The following RSPO2 variants were observed in gnomAD, a reference collection of about 807,000 sequenced individuals.
RSPO2 encodes R-spondin 2.
RSPO2 carries 14 observed loss-of-function variants against 30.9 expected under a neutral mutation model. That is an observed-to-expected ratio of 0.45 (90% confidence interval 0.30 to 0.71). The LOEUF (loss-of-function observed/expected upper bound fraction) is 0.71. Among genes scored for constraint, RSPO2 ranks in the 30% least tolerant of loss-of-function variants. The probability of loss-of-function intolerance (pLI) is 0.08; values close to 1 mark genes in which losing one functional copy is unlikely to be tolerated. For synonymous variants in RSPO2, 107 were observed against 96.4 expected (o/e 1.11, Z -0.64); for missense variants, 264 against 301.9 (o/e 0.87, Z 0.93).
At chr8:108,033,650 A>T (rs1044155505) in intron 2 of RSPO2, among the ~76,000 whole-genome samples, 5 of 152,240 alleles carry the variant, frequency 3.3e-5, no homozygotes, top group African/African-American at 1.2e-4. Context: ...TAGCCTTACA[A>T]GTCTTTGTGA....
intron 2 of RSPO2, among the ~76,000 whole-genome samples, chr8:108,047,626 C>T (rs910001093): frequency 5.9e-5 from 9 of 151,872 alleles, no homozygotes; most frequent in Non-Finnish European, 7.4e-5. Context: ...GGCAGGTGGA[C>T]CATTTGAGGT....
At chr8:108,045,101 T>A (rs1294374997) in intron 2 of RSPO2, among the ~76,000 whole-genome samples, 1 of 151,996 alleles carries the variant, frequency 6.6e-6, no homozygotes, top group Admixed American at 6.6e-5. Context: ...CTAAACAGCC[T>A]CTGCAGAGAA....
intron 3 of RSPO2, among the ~76,000 whole-genome samples, chr8:107,984,701 C>A (rs1475713018): frequency 6.6e-6 from 1 of 151,948 alleles, no homozygotes; most frequent in East Asian, 1.9e-4. Flanking sequence ...TTTAATGATG[C>A]AAGAGTGGAA....
intron 2 of RSPO2, among the ~76,000 whole-genome samples, chr8:108,031,276 T>A (rs1811413325): frequency 6.6e-6 from 1 of 152,214 alleles, no homozygotes; most frequent in Admixed American, 6.5e-5. Flanking sequence ...GCATCTCTAA[T>A]GGATCACCAT....
intron 2 of RSPO2, among the ~76,000 whole-genome samples, chr8:108,079,448 AC>A (rs1292188013): frequency 1.3e-5 from 2 of 152,190 alleles, no homozygotes; most frequent in African/African-American, 4.8e-5. Context: ...CGGTCAAAAT[AC>A]TATTTTCTCA....
At position 108,060,045 on chromosome 8, in the gene RSPO2, G is replaced by A. The variant is rs562709809; in HGVS notation, c.94+22500C>T. Among the ~76,000 whole-genome samples the A allele has an allele frequency of 4.0e-4, 60 of 151,716 alleles. 1 individual carries two copies. The highest frequency in any genetic ancestry group is 1.5e-3 in the African/African-American group (60 of 41,132). The stretch of plus-strand genomic sequence containing the variant: ...AAAAAAAAAGAGTACTACAATACCA[G>A]GGGGTGGTTCCAAGATGGCCAAATA... On this transcript the variant is annotated intron_variant, in intron 2 of 5. Transcript: ENST00000276659.
intron 3 of RSPO2, among the ~76,000 whole-genome samples, chr8:107,971,529 T>G (rs533100295): frequency 6.6e-6 from 1 of 152,312 alleles, no homozygotes; most frequent in South Asian, 2.1e-4. Flanking sequence ...AGGCAGCTAC[T>G]GCATTGCAAC....
At chr8:108,043,653 T>C (rs948856863) in intron 2 of RSPO2, among the ~76,000 whole-genome samples, 1 of 151,816 alleles carries the variant, frequency 6.6e-6, no homozygotes, top group African/African-American at 2.4e-5. Context: ...GCCAACATTC[T>C]CTCATTCCAT....
chr8:108,049,754 T>C (rs1249781523), intron 2 of RSPO2, among the ~76,000 whole-genome samples: 1 of 152,172 alleles, frequency 6.6e-6, no homozygotes, highest in Admixed American at 6.5e-5. Flanking sequence ...TATGGCTACA[T>C]AGTATTCCAT....
At chr8:108,068,452 T>C (rs958221114) in intron 2 of RSPO2, among the ~76,000 whole-genome samples, 1 of 152,214 alleles carries the variant, frequency 6.6e-6, no homozygotes, top group Non-Finnish European at 1.5e-5. Context: ...ATACTAATAA[T>C]ATTATGGTAT....
At chr8:107,998,999 G>A (rs1158199659) in intron 2 of RSPO2, among the ~76,000 whole-genome samples, 1 of 152,062 alleles carries the variant, frequency 6.6e-6, no homozygotes, top group Non-Finnish European at 1.5e-5. Context: ...AGTTGGGATC[G>A]TGCGCCACTG....
chr8:108,072,586 C>T (rs1195265923), intron 2 of RSPO2, among the ~76,000 whole-genome samples: 3 of 151,066 alleles, frequency 2.0e-5, no homozygotes, highest in Non-Finnish European at 4.4e-5. Context: ...GATCCGCCCG[C>T]CTCGGCCTCC....
intron 2 of RSPO2, among the ~76,000 whole-genome samples, chr8:108,039,876 G>A (rs1811701043): frequency 6.6e-6 from 1 of 152,064 alleles, no homozygotes; most frequent in African/African-American, 2.4e-5. Flanking sequence ...TGGGATTAGT[G>A]CCCTTAGAAG....
chr8:108,022,944 A>C (rs1226132743), intron 2 of RSPO2, among the ~76,000 whole-genome samples: 47 of 144,498 alleles, frequency 3.3e-4, no homozygotes, highest in South Asian at 1.9e-3. Context: ...AAAAAAAAAA[A>C]CCACACACAC....
At chr8:108,062,471 C>G (rs1380756148) in intron 2 of RSPO2, among the ~76,000 whole-genome samples, 1 of 151,800 alleles carries the variant, frequency 6.6e-6, no homozygotes, top group African/African-American at 2.4e-5. Context: ...CATACACCCT[C>G]CCAAGACTAA....
At chr8:107,933,076 A>G (rs1812599333) in intron 5 of RSPO2, among the ~76,000 whole-genome samples, 1 of 152,164 alleles carries the variant, frequency 6.6e-6, no homozygotes. Context: ...ACACCAGCCT[A>G]TCTTCCTTAG....
rs929448596 is a variant in RSPO2, at chr8:108,040,816, C to T, written c.94+41729G>A. ...TTGGCAAAGGGTGGATTTGATTCCT[C>T]ATGAACCAAAACATAGCAGGTGTTG... On this transcript the variant is annotated intron_variant, in intron 2 of 5. Coordinates refer to ENST00000276659, the MANE Select transcript of RSPO2 (RefSeq NM_178565.5). Among the ~76,000 whole-genome samples, 5 of 152,222 alleles carry T rather than the reference C, an allele frequency of 3.3e-5. No homozygotes were observed. In the East Asian group the frequency reaches 9.7e-4, roughly 29 times the overall value.
At chr8:108,010,277 G>T (rs569381789) in intron 2 of RSPO2, among the ~76,000 whole-genome samples, 1 of 152,160 alleles carries the variant, frequency 6.6e-6, no homozygotes, top group Non-Finnish European at 1.5e-5. Context: ...TGTCTACAAA[G>T]GTACATGTGC....
At chr8:108,082,282 C>T (rs1019552769) in intron 2 of RSPO2, among the ~76,000 whole-genome samples, 2 of 152,238 alleles carry the variant, frequency 1.3e-5, no homozygotes, top group Admixed American at 6.5e-5. Flanking sequence ...GCGGACCGCA[C>T]GACTTAGCCC....
Sources: allele counts gnomAD v4.1 joint callset (sites outside exome capture counted in the v4.1 genomes callset), GRCh38; gene constraint gnomAD v4.1.1; transcripts MANE v1.5; gene names NCBI Gene and HGNC (gene_info 2026-07-23, HGNC 2026-07-21).